Variants in VPS13A observed in about 807,000 individuals in gnomAD.
The protein encoded by VPS13A is intermembrane lipid transfer protein VPS13A.
VPS13A carries 264 observed loss-of-function variants against 390.9 expected under a neutral mutation model. The observed-to-expected ratio is 0.68, with a 90% CI of 0.61 to 0.75. The LOEUF (loss-of-function observed/expected upper bound fraction) is 0.75. Among genes scored for constraint, VPS13A ranks in the 30% least tolerant of loss-of-function variants. The pLI is 0.00. For missense variants in VPS13A, 3,409 were observed against 3,733.9 expected, an observed-to-expected ratio of 0.91 and a Z score of 2.27; for synonymous variants, 1,231 against 1,227.1, an observed-to-expected ratio of 1.00 and a Z score of -0.07.
At chr9:77,242,406 G>A (rs1418374893) in intron 19 of VPS13A, among the ~76,000 whole-genome samples, 3 of 152,020 alleles carry the variant, frequency 2.0e-5, no homozygotes, top group African/African-American at 7.2e-5. Context: ...ACAGAAAAGT[G>A]TGTGTTATAT....
intron 68 of VPS13A, among the ~76,000 whole-genome samples, chr9:77,391,393 A>G (rs1320318462): frequency 6.6e-6 from 1 of 152,238 alleles, no homozygotes. Flanking sequence ...GAAAGTTATC[A>G]TGCAAAATCA....
chr9:77,357,952 CTTTTTTTTTTTT>C (rs5898534), intron 56 of VPS13A, 114 bp downstream of exon 56: 1 of 345,860 alleles, frequency 2.9e-6, no homozygotes, highest in Non-Finnish European at 4.5e-6. Context: ...TTGTGCTAGC[CTTTTTTTTTTTT>C]TTTTTTTTTG....
intron 67 of VPS13A, among the ~76,000 whole-genome samples, chr9:77,372,864 A>G (rs62573253): frequency 0.41 from 62,150 of 151,714 alleles, 13,045 homozygotes; most frequent in South Asian, 0.52. Context: ...GAGCCAAATC[A>G]TAAGTGAACT....
intron 23 of VPS13A, among the ~76,000 whole-genome samples, chr9:77,272,154 T>C (rs1223659687): frequency 6.6e-6 from 1 of 152,176 alleles, no homozygotes; most frequent in Non-Finnish European, 1.5e-5. Context: ...GTAACCGTTA[T>C]GCATTTGTGA....
At chr9:77,355,953 C>T (rs1424159500) in intron 54 of VPS13A, among the ~76,000 whole-genome samples, 1 of 152,074 alleles carries the variant, frequency 6.6e-6, no homozygotes, top group East Asian at 1.9e-4. Flanking sequence ...ACTCTTTTTT[C>T]TTTCCATCCA....
intron 1 of VPS13A, among the ~76,000 whole-genome samples, chr9:77,191,286 TTTC>T (rs940790037): frequency 1.4e-4 from 21 of 150,348 alleles, no homozygotes; most frequent in East Asian, 7.9e-4. Flanking sequence ...TTCTTTTCTT[TTTC>T]TTCTTCTTTT....
intron 71 of VPS13A, 125 bp downstream of exon 71, chr9:77,407,732 T>C: frequency 1.2e-6 from 1 of 807,206 alleles, no homozygotes; most frequent in Non-Finnish European, 2.0e-6. Flanking sequence ...CTTTTGTGTT[T>C]TGGCAGGTTT....
intron 67 of VPS13A, among the ~76,000 whole-genome samples, chr9:77,380,367 C>A (rs546384539): frequency 3.3e-4 from 50 of 152,108 alleles, no homozygotes; most frequent in African/African-American, 1.2e-3. Flanking sequence ...GGCTGGAGTG[C>A]AGTGGCATGA....
intron 24 of VPS13A, 125 bp downstream of exon 24, chr9:77,273,489 C>A: frequency 1.4e-6 from 1 of 732,076 alleles, no homozygotes. Flanking sequence ...AATCTAGGTT[C>A]TTGACTGAGG....
In VPS13A at chr9:77,419,020, G is replaced by C. The variant is rs1389297984; in HGVS notation, c.*3014G>C. ...CTCATGTAGGCCTCTGTATTAAAAA[G>C]ATTGGGACAAAATACTTGATTAGTT... On this transcript the variant is annotated 3_prime_UTR_variant, in exon 72 of 72. Transcript: ENST00000360280. 2 of 152,148 alleles carry C rather than the reference G, an allele frequency of 1.3e-5. No homozygotes were observed. Among genetic ancestry groups the C allele is most frequent in the Non-Finnish European group, 2.9e-5 (2 of 67,992 alleles). 9.4% of individuals were successfully genotyped at this position (152,148 alleles called of 1,614,324 possible).
At chr9:77,212,919 G>GT in intron 7 of VPS13A, 50 bp from the exon 8 acceptor site, 1 of 1,584,928 alleles carries the variant, frequency 6.3e-7, no homozygotes, top group Non-Finnish European at 8.7e-7. Context: ...TTACTCTGCT[G>GT]TTTCAAATGG....
intron 68 of VPS13A, among the ~76,000 whole-genome samples, chr9:77,392,973 CT>C (rs1451358542): frequency 1.3e-5 from 2 of 152,084 alleles, no homozygotes; most frequent in African/African-American, 4.8e-5. Context: ...TTGATTGACT[CT>C]TCCTTTCACG....
chr9:77,181,765 A>G (rs762108134), intron 1 of VPS13A, among the ~76,000 whole-genome samples: 36 of 152,108 alleles, frequency 2.4e-4, no homozygotes, highest in African/African-American at 8.4e-4. Flanking sequence ...ATCAGAATGC[A>G]TTTTTCCCAT....
At chr9:77,407,404 C>A in intron 70 of VPS13A, 129 bp from the exon 71 acceptor site, 1 of 678,746 alleles carries the variant, frequency 1.5e-6, no homozygotes. Flanking sequence ...TCATTCTTGT[C>A]TTTTTTAAGG....
At chr9:77,310,694 A>G (rs574366840) in intron 35 of VPS13A, among the ~76,000 whole-genome samples, 106 of 152,344 alleles carry the variant, frequency 7.0e-4, no homozygotes, top group Admixed American at 2.9e-3. Context: ...GTTATGAACT[A>G]TGATAACTTA....
In VPS13A at chr9:77,276,102, A is replaced by T. The variant is rs1266091890; in HGVS notation, c.2705A>T (p.Glu902Val). The T allele has an allele frequency of 1.2e-6, 2 of 1,612,714 alleles. No individual in the cohort carries two copies. The highest frequency in any genetic ancestry group is 2.7e-5 in the African/African-American group (2 of 74,740). The change falls in exon 26 of 72, where the codon GAA becomes GTA. Residue 902 changes from glutamate to valine, a missense_variant. Glu to Val is a moderately radical substitution (Grantham distance 121, BLOSUM62 -2). Around this residue, in one of 5 missense-constraint regions of VPS13A, gnomAD observed 2,717 missense variants for 2,917.4 expected, o/e 0.93. Transcript: ENST00000360280. ...TTTTATCACCTTGTTGGAGATTGTGAACTATCTGTGGTAGAAATTCTTGTT... is the reference window on the plus strand; with the variant it reads ...TTTTATCACCTTGTTGGAGATTGTGTACTATCTGTGGTAGAAATTCTTGTT... ...IEFYHLVGDCELSVVEILVLG... is the reference protein window; with the variant it reads ...IEFYHLVGDCVLSVVEILVLG...
intron 68 of VPS13A, among the ~76,000 whole-genome samples, chr9:77,389,543 G>A (rs1349281571): frequency 2.6e-5 from 4 of 152,060 alleles, no homozygotes; most frequent in Admixed American, 6.6e-5. Flanking sequence ...GAGCTCAAGC[G>A]ATCCTACCGC....
At chr9:77,380,857 C>G (rs528973424) in intron 67 of VPS13A, among the ~76,000 whole-genome samples, 3 of 152,106 alleles carry the variant, frequency 2.0e-5, no homozygotes, top group Non-Finnish European at 2.9e-5. Flanking sequence ...CAATAGGGTT[C>G]GCCTTCTTAT....
chr9:77,372,113 C>A (rs939827257), intron 67 of VPS13A, among the ~76,000 whole-genome samples: 1 of 151,302 alleles, frequency 6.6e-6, no homozygotes, highest in East Asian at 1.9e-4. Context: ...AATAAACATA[C>A]GTGTGCGTGT....
Sources: gnomAD v4.1 joint callset for allele counts (sites outside exome capture counted in the v4.1 genomes callset) on GRCh38, gnomAD v4.1.1 for gene constraint, gnomAD v4.1.1 regional missense constraint, MANE v1.5 for transcripts, NCBI Gene and HGNC (gene_info 2026-07-23, HGNC 2026-07-21) for gene names.